Variants in FBXL17 observed in about 807,000 individuals in gnomAD.
The protein encoded by FBXL17 is F-box/LRR-repeat protein 17.
FBXL17 carries 22 observed loss-of-function variants against 66.2 expected under a neutral mutation model. The ratio of observed to expected loss-of-function variants is 0.33; its 90% CI spans 0.24 to 0.47. The LOEUF (loss-of-function observed/expected upper bound fraction) is 0.47. Ranked by LOEUF, FBXL17 falls within the 20% of genes least tolerant of loss-of-function variation. The pLI is 1.00. For synonymous variants in FBXL17, 474 were observed against 400.5 expected (o/e 1.18, Z -2.19); for missense variants, 878 against 948.2 (o/e 0.93, Z 0.97).
At chr5:108,098,825 G>A (rs912783619) in intron 6 of FBXL17, among the ~76,000 whole-genome samples, 2 of 150,312 alleles carry the variant, frequency 1.3e-5, no homozygotes, top group Admixed American at 6.6e-5. Context: ...TACTTTAAAC[G>A]TTTTCATATG....
intron 6 of FBXL17, among the ~76,000 whole-genome samples, chr5:108,155,184 A>G (rs1171953583): frequency 6.6e-6 from 1 of 152,132 alleles, no homozygotes; most frequent in Non-Finnish European, 1.5e-5. Context: ...TACATACAGC[A>G]GGTTCTTACA....
intron 6 of FBXL17, among the ~76,000 whole-genome samples, chr5:108,082,816 G>A (rs1297734735): frequency 2.0e-5 from 3 of 152,054 alleles, no homozygotes; most frequent in Admixed American, 6.6e-5. Context: ...GTGATCATAT[G>A]TTTGGCCAAA....
At chr5:108,043,867 G>C (rs1747143627) in intron 6 of FBXL17, among the ~76,000 whole-genome samples, 2 of 152,038 alleles carry the variant, frequency 1.3e-5, no homozygotes, top group Non-Finnish European at 2.9e-5. Context: ...CATTTATTTA[G>C]CTCTTTGATT....
intron 5 of FBXL17, among the ~76,000 whole-genome samples, chr5:108,190,601 A>T (rs988604033): frequency 6.6e-6 from 1 of 152,140 alleles, no homozygotes; most frequent in Non-Finnish European, 1.5e-5. Flanking sequence ...TATGTTCCCT[A>T]AAGTTTTATT....
chr5:108,167,171 T>C (rs34423), intron 6 of FBXL17, among the ~76,000 whole-genome samples: 30,334 of 152,086 alleles, frequency 0.2, 3,159 homozygotes, highest in South Asian at 0.32. Context: ...CTTCAGATAA[T>C]TGTGCACACT....
intron 6 of FBXL17, among the ~76,000 whole-genome samples, chr5:108,139,275 C>T (rs1751262175): frequency 6.6e-6 from 1 of 152,128 alleles, no homozygotes; most frequent in Non-Finnish European, 1.5e-5. Flanking sequence ...CAAGTTGTGT[C>T]CATTTAGCAC....
At chr5:107,936,030 C>T (rs114153212) in intron 7 of FBXL17, among the ~76,000 whole-genome samples, 2,682 of 152,222 alleles carry the variant, frequency 0.018, 37 homozygotes, top group Non-Finnish European at 0.027. Context: ...ATCATCAACA[C>T]CCATATATTA....
At chr5:108,303,919 T>C (rs1758717432) in intron 4 of FBXL17, among the ~76,000 whole-genome samples, 1 of 151,824 alleles carries the variant, frequency 6.6e-6, no homozygotes, top group Admixed American at 6.6e-5. Flanking sequence ...CGTAACAAAA[T>C]CTCTCTGGCA....
intron 7 of FBXL17, among the ~76,000 whole-genome samples, chr5:108,015,285 AC>A (rs1754338406): frequency 6.6e-6 from 1 of 152,196 alleles, no homozygotes; most frequent in Non-Finnish European, 1.5e-5. Context: ...AATAAAAGTT[AC>A]CTATATTTAA....
chr5:108,380,689 C>G lies in FBXL17; in HGVS notation c.993+10G>C, dbSNP rs1749787726. 2 of 1,248,522 alleles carry G rather than the reference C, an allele frequency of 1.6e-6. No homozygotes were observed. The highest frequency in any genetic ancestry group is 1.5e-5 in the African/African-American group (1 of 64,532). The allele number at this position is 1,248,522 out of a possible 1,614,324, so 77.3% of individuals were successfully genotyped here. On this transcript the variant is annotated intron_variant, in intron 1 of 8. Coordinates refer to ENST00000542267, the MANE Select transcript of FBXL17 (RefSeq NM_001163315.3). ...AAGCGAGCATCCCTGCGCCTCTCGC[C>G]CAGACCCACCTTGAGCAGGATGGAC...
intron 7 of FBXL17, among the ~76,000 whole-genome samples, chr5:107,921,543 G>C (rs1245424552): frequency 1.3e-5 from 2 of 152,142 alleles, no homozygotes; most frequent in African/African-American, 2.4e-5. Context: ...GGGGCTGGTC[G>C]TAAAAAGGAA....
chr5:108,078,912 T>C (rs539427143), intron 6 of FBXL17, among the ~76,000 whole-genome samples: 98 of 152,346 alleles, frequency 6.4e-4, no homozygotes, highest in African/African-American at 2.3e-3. Context: ...TATTTGTTCA[T>C]TTACTTATTA....
rs146552708 is a variant in FBXL17 at position 108,201,028 on chromosome 5, G to T, written c.1615-14781C>A. ...TTCTGCTAAAATGTTGAGGTTCCAA[G>T]CTAAAATTTTACAACACTCTACTGT... is the stretch of plus-strand genomic sequence containing the variant. On this transcript the variant is annotated intron_variant, in intron 5 of 8. Transcript: ENST00000542267. Among the ~76,000 whole-genome samples the T allele has an allele frequency of 2.0e-5, 3 of 152,190 alleles. No individual in the cohort carries two copies. In the East Asian group the frequency reaches 5.8e-4, roughly 29 times the overall value.
In FBXL17 at chr5:108,037,241, A is replaced by C. The variant is rs1746882130; in HGVS notation, c.1746-16240T>G. ...GACAATATTATGGGTATTGAAAATT[A>C]TAAAGTGCCATTAATTTCAAGAAAC... On this transcript the variant is annotated intron_variant, in intron 6 of 8. Transcript: ENST00000542267. 2.0e-5 allele frequency among the ~76,000 whole-genome samples: 3 copies of C among 152,214 alleles called. No individual in the cohort carries two copies. The South Asian group carries it at 6.2e-4, about 31-fold the overall frequency.
At chr5:108,350,844 TATAA>T (rs1363985023) in intron 3 of FBXL17, among the ~76,000 whole-genome samples, 1 of 152,216 alleles carries the variant, frequency 6.6e-6, no homozygotes, top group East Asian at 1.9e-4. Flanking sequence ...ATCTGTGCTC[TATAA>T]AACACGAGAA....
chr5:108,135,891 G>A (rs2149981041), intron 6 of FBXL17, among the ~76,000 whole-genome samples: 1 of 152,168 alleles, frequency 6.6e-6, no homozygotes, highest in African/African-American at 2.4e-5. Flanking sequence ...AAAGAAGTAA[G>A]TTCTAAAATA....
intron 7 of FBXL17, among the ~76,000 whole-genome samples, chr5:107,953,793 T>C (rs1392574359): frequency 1.3e-5 from 2 of 152,238 alleles, no homozygotes; most frequent in Non-Finnish European, 2.9e-5. Context: ...GCGAGTACAT[T>C]GAAATTATAT....
At chr5:108,031,869 C>G (rs1746658270) in intron 6 of FBXL17, among the ~76,000 whole-genome samples, 1 of 152,038 alleles carries the variant, frequency 6.6e-6, no homozygotes, top group Non-Finnish European at 1.5e-5. Context: ...TGTTTAGAAC[C>G]TGGTACTGAA....
At chr5:107,953,169 A>G (rs1475251421) in intron 7 of FBXL17, among the ~76,000 whole-genome samples, 3 of 152,044 alleles carry the variant, frequency 2.0e-5, no homozygotes, top group Non-Finnish European at 4.4e-5. Context: ...TTGGGACGCC[A>G]AGGTGGGCGG....
Sources: allele counts gnomAD v4.1 joint callset (sites outside exome capture counted in the v4.1 genomes callset), GRCh38; gene constraint gnomAD v4.1.1; transcripts MANE v1.5; gene names NCBI Gene and HGNC (gene_info 2026-07-23, HGNC 2026-07-21).